The following LMF1 variants were observed in gnomAD, a reference collection of about 807,000 sequenced individuals.
LMF1 encodes transmembrane protein 112.
In LMF1, 68 loss-of-function variants were observed where a neutral mutation model predicts 60.6. The observed-to-expected ratio is 1.12, with a 90% CI of 0.92 to 1.37. LMF1 has a LOEUF of 1.37. Among genes scored for constraint, LMF1 ranks in the 40% most tolerant of loss-of-function variants. The probability of loss-of-function intolerance (pLI) is 0.00; values close to 1 mark genes in which losing one functional copy is unlikely to be tolerated. For synonymous variants in LMF1, 418 were observed against 324.7 expected (o/e 1.29, Z -3.09); for missense variants, 948 against 767.2 (o/e 1.24, Z -2.78).
intron 2 of LMF1, among the ~76,000 whole-genome samples, chr16:935,187 G>A (rs1272774281): frequency 2.0e-5 from 3 of 151,558 alleles, no homozygotes; most frequent in Non-Finnish European, 4.4e-5. Context: ...ACAACCTCAA[G>A]CTCCTGGGCT....
chr16:931,520 C>T, intron 3 of LMF1: 1 of 754,004 alleles, frequency 1.3e-6, no homozygotes. Flanking sequence ...AAACTGCATT[C>T]TCCCAGGCCG....
chr16:931,807 C>T (rs1305547848), intron 3 of LMF1: 12 of 1,282,596 alleles, frequency 9.4e-6, no homozygotes, highest in Non-Finnish European at 1.2e-5. Context: ...CAGGGTCAGA[C>T]ACAACATGAA....
intron 1 of LMF1, among the ~76,000 whole-genome samples, chr16:964,750 C>T (rs1241441298): frequency 1.3e-5 from 2 of 152,194 alleles, no homozygotes; most frequent in African/African-American, 4.8e-5. Context: ...CGGGTGCAAA[C>T]GATTCTGCCT....
chr16:980,661 G>A (rs1242849177), intron 1 of LMF1: 1 of 151,342 alleles, frequency 6.6e-6, no homozygotes, highest in Non-Finnish European at 1.5e-5. Flanking sequence ...AAGGATCCGA[G>A]CCACCCTCGG....
At chr16:860,039 T>C (rs74001081) in intron 10 of LMF1, among the ~76,000 whole-genome samples, 15,010 of 149,696 alleles carry the variant, frequency 0.1, 2,374 homozygotes, top group African/African-American at 0.34. Context: ...AGCTTATCTG[T>C]CATCTGTGCA....
chr16:978,866 T>G (rs188574251), intron 1 of LMF1, among the ~76,000 whole-genome samples: 27 of 152,280 alleles, frequency 1.8e-4, no homozygotes, highest in African/African-American at 5.8e-4. Flanking sequence ...GGTCCATCTC[T>G]TGTCATCAGA....
chr16:950,436 GACA>G (rs141740352), intron 2 of LMF1, among the ~76,000 whole-genome samples: 1,123 of 83,484 alleles, frequency 0.013, no homozygotes, highest in African/African-American at 0.029. Flanking sequence ...CAGAGTTAGA[GACA>G]ACGACAGAGT....
intron 3 of LMF1, among the ~76,000 whole-genome samples, chr16:913,941 A>G (rs1224756724): frequency 6.6e-6 from 1 of 152,224 alleles, no homozygotes; most frequent in Non-Finnish European, 1.5e-5. Flanking sequence ...ATGGAAATTT[A>G]AGATGAAATA....
At chr16:860,914 C>T (rs1166369104) in intron 10 of LMF1, among the ~76,000 whole-genome samples, 1 of 152,148 alleles carries the variant, frequency 6.6e-6, no homozygotes, top group East Asian at 1.9e-4. Context: ...TGATTCGTTC[C>T]ACCTTGTTCT....
At chr16:944,585 C>A (rs529791107) in intron 2 of LMF1, among the ~76,000 whole-genome samples, 1 of 152,224 alleles carries the variant, frequency 6.6e-6, no homozygotes. Flanking sequence ...GGCACCTGTG[C>A]CCTCTGGTAT....
At chr16:917,264 C>T (rs1458147501) in intron 3 of LMF1, among the ~76,000 whole-genome samples, 2 of 152,042 alleles carry the variant, frequency 1.3e-5, no homozygotes, top group Non-Finnish European at 2.9e-5. Context: ...GCTGCGCAGG[C>T]CCACGTGAAG....
intron 10 of LMF1, among the ~76,000 whole-genome samples, chr16:865,916 A>G (rs2069597586): frequency 6.6e-6 from 1 of 152,158 alleles, no homozygotes; most frequent in Non-Finnish European, 1.5e-5. Flanking sequence ...TGTCCTCACC[A>G]TTCAGATGTC....
intron 5 of LMF1, among the ~76,000 whole-genome samples, chr16:880,069 T>C (rs1596889797): frequency 6.6e-6 from 1 of 152,058 alleles, no homozygotes; most frequent in Admixed American, 6.5e-5. Context: ...GAACAGGCAG[T>C]CGGAGAACGC....
intron 2 of LMF1, chr16:947,368 A>C: frequency 2.4e-6 from 1 of 409,104 alleles, no homozygotes; most frequent in South Asian, 1.8e-5. Flanking sequence ...GTGGTGGAAA[A>C]GGTGTTGCAG....
At chr16:954,693 C>T (rs1482401618) in intron 1 of LMF1, 27 bp from the exon 2 acceptor site, 14 of 1,563,452 alleles carry the variant, frequency 9.0e-6, no homozygotes, top group Admixed American at 1.8e-5. Flanking sequence ...ACAAAACAAG[C>T]ATGACTAGGA....
At chr16:952,722 A>C (rs1463979895) in intron 2 of LMF1, 1 of 154,054 alleles carries the variant, frequency 6.5e-6, no homozygotes, top group Non-Finnish European at 1.5e-5. Flanking sequence ...GGGCGGAACC[A>C]AGCTGGGCAT....
chr16:951,927 G>T (rs1259558239), intron 2 of LMF1, among the ~76,000 whole-genome samples: 5 of 152,238 alleles, frequency 3.3e-5, no homozygotes, highest in African/African-American at 9.6e-5. Context: ...CAGGGCCTGG[G>T]GCATCGGGGG....
intron 1 of LMF1, among the ~76,000 whole-genome samples, chr16:955,723 T>C (rs1195718831): frequency 3.3e-5 from 5 of 152,102 alleles, no homozygotes; most frequent in African/African-American, 1.2e-4. Context: ...AGTAGACATG[T>C]GTATATAAAT....
Position 978,078 on chromosome 16 carries a change from C to G in LMF1, c.-135+3067G>C, listed in dbSNP as rs952678550. Reference sequence around the variant, plus strand: ...AACACACCCACACCCTGCACACATACACCACACCAAACACACACGGACACA... The same window carrying G: ...AACACACCCACACCCTGCACACATAGACCACACCAAACACACACGGACACA... On this transcript the variant is annotated intron_variant, in intron 1 of 6. Coordinates refer to the LMF1 transcript ENST00000570014. Among the ~76,000 whole-genome samples, 2 of 132,668 alleles carry G rather than the reference C, an allele frequency of 1.5e-5. 1 individual carries two copies. The highest frequency in any genetic ancestry group is 6.4e-5 in the African/African-American group (2 of 31,064). 87.0% of individuals were successfully genotyped at this position (132,668 alleles called of 152,430 possible).
Sources: allele counts gnomAD v4.1 joint callset (sites outside exome capture counted in the v4.1 genomes callset), GRCh38; gene constraint gnomAD v4.1.1; transcripts MANE v1.5; gene names NCBI Gene and HGNC (gene_info 2026-07-23, HGNC 2026-07-21).